The following GLYATL1B variants were observed in gnomAD, a reference collection of about 807,000 sequenced individuals.
GLYATL1B encodes glycine-N-acyltransferase like 1B, also known as putative glycine N-acyltransferase-like protein 1B.
Under a neutral mutation model 5.5 loss-of-function variants are expected in GLYATL1B, and 6 were observed. The ratio of observed to expected loss-of-function variants is 1.09; its 90% confidence interval spans 0.60 to 2.15. The LOEUF (loss-of-function observed/expected upper bound fraction) is 2.15, where lower values mean the gene tolerates loss of function less well. Ranked by LOEUF, GLYATL1B falls within the 30% of genes most tolerant of loss-of-function variation. The probability of loss-of-function intolerance (pLI) is 0.00; values close to 1 mark genes in which losing one functional copy is unlikely to be tolerated. For missense variants in GLYATL1B, 135 were observed against 94.1 expected (o/e 1.43, Z -1.80); for synonymous variants, 67 against 34.9 (o/e 1.92, Z -3.24).
At chr11:59,087,892 C>A (rs894137640) in intron 2 of GLYATL1B, among the ~76,000 whole-genome samples, 1 of 152,162 alleles carries the variant, frequency 6.6e-6, no homozygotes, top group Non-Finnish European at 1.5e-5. Context: ...AAGGGACACA[C>A]AATTACTTTG....
chr11:59,090,058 C>T (rs1859275820), intron 2 of GLYATL1B, among the ~76,000 whole-genome samples: 9 of 151,956 alleles, frequency 5.9e-5, no homozygotes, highest in Admixed American at 5.2e-4. Context: ...TGGCTAATTA[C>T]GTTAGTGCTA....
intron 1 of GLYATL1B, 53 bp from the exon 2 acceptor site, chr11:59,087,011 C>A (rs902347667): frequency 7.6e-5 from 43 of 562,628 alleles, no homozygotes; most frequent in Non-Finnish European, 1.0e-4. Context: ...CACATACAGA[C>A]CCCCATCTCT....
intron 2 of GLYATL1B, among the ~76,000 whole-genome samples, chr11:59,091,720 C>A (rs942069956): frequency 6.6e-6 from 1 of 152,032 alleles, no homozygotes; most frequent in Admixed American, 6.6e-5. Flanking sequence ...GGTAAATACC[C>A]AAAAGAAAAT....
chr11:59,088,356 G>T (rs1565174895), intron 2 of GLYATL1B, among the ~76,000 whole-genome samples: 1 of 152,056 alleles, frequency 6.6e-6, no homozygotes, highest in African/African-American at 2.4e-5. Flanking sequence ...TCCCCTTTTT[G>T]TGTCTGTTTC....
At chr11:59,087,252 C>T in intron 2 of GLYATL1B, 81 bp downstream of exon 2, 2 of 456,032 alleles carry the variant, frequency 4.4e-6, no homozygotes, top group Admixed American at 3.5e-5. Context: ...ACCATGGCTG[C>T]TTTTATAGGG....
chr11:59,090,815 AAAC>A (rs1334185379), intron 2 of GLYATL1B, among the ~76,000 whole-genome samples: 1 of 152,090 alleles, frequency 6.6e-6, no homozygotes, highest in African/African-American at 2.4e-5. Flanking sequence ...CAACCTAAGA[AAAC>A]AATACCAAGT....
intron 2 of GLYATL1B, among the ~76,000 whole-genome samples, chr11:59,091,201 T>A (rs1364517954): frequency 1.3e-5 from 2 of 152,138 alleles, no homozygotes; most frequent in Non-Finnish European, 2.9e-5. Flanking sequence ...TCAGTAACTC[T>A]CTTTTTGTTA....
intron 2 of GLYATL1B, among the ~76,000 whole-genome samples, chr11:59,091,707 C>T (rs1294922845): frequency 6.6e-6 from 1 of 152,178 alleles, no homozygotes; most frequent in East Asian, 1.9e-4. Flanking sequence ...AATGCCATTA[C>T]TAGGTAAATA....
chr11:59,094,381 C>G lies in GLYATL1B; in HGVS notation c.504C>G (p.Asn168Lys), dbSNP rs474850. The G allele has an allele frequency of 1.8e-6, 1 of 556,836 alleles. No individual in the cohort carries two copies. The highest frequency in any genetic ancestry group is 3.3e-6 in the Non-Finnish European group (1 of 307,342). The allele number at this position is 556,836 out of a possible 1,614,324, so 34.5% of individuals were successfully genotyped here. A position where few individuals can be genotyped will look rare whatever the true frequency, so the allele number is the denominator to read the frequency against. Residue 168 changes from asparagine (N) to lysine (K), a missense_variant, in exon 5 of 5, where the codon AAC (asparagine) becomes AAG (lysine). Transcript: ENST00000527482. ...PDDELESETP[N>K]FKYAQLNVSY... Reference sequence around the variant, plus strand: ...TTGTTTTCTACAGCGAGACTCCGAACTTTAAGTATGCCCAGCTGAATGTGT... The same window carrying G: ...TTGTTTTCTACAGCGAGACTCCGAAGTTTAAGTATGCCCAGCTGAATGTGT...
At chr11:59,086,785 C>G (rs1021174017) in intron 1 of GLYATL1B, among the ~76,000 whole-genome samples, 2 of 152,166 alleles carry the variant, frequency 1.3e-5, no homozygotes, top group Non-Finnish European at 2.9e-5. Context: ...GTTGTGGACA[C>G]TGAATGAATC....
chr11:59,087,279 T>C (rs2135381073), intron 2 of GLYATL1B, 108 bp downstream of exon 2: 1 of 440,020 alleles, frequency 2.3e-6, no homozygotes, highest in Non-Finnish European at 4.0e-6. Flanking sequence ...GAAATGTGAG[T>C]ATTTTAAAAC....
chr11:59,090,319 T>A (rs1441064804), intron 2 of GLYATL1B, among the ~76,000 whole-genome samples: 1 of 152,016 alleles, frequency 6.6e-6, no homozygotes, highest in Non-Finnish European at 1.5e-5. Context: ...TTTCCCCAAC[T>A]AAGTATTGCA....
Position 59,087,099 on chromosome 11 carries a change from C to T in GLYATL1B, c.114C>T (p.Asn38=), listed in dbSNP as rs1413786006. The T allele has an allele frequency of 1.0e-5, 7 of 685,514 alleles. No individual in the cohort carries two copies. The highest frequency in any genetic ancestry group is 1.7e-5 in the African/African-American group (1 of 57,210). The allele number at this position is 685,514 out of a possible 1,614,324, so 42.5% of individuals were successfully genotyped here. Residue 38 remains asparagine (N), a synonymous_variant, in exon 2 of 5, where the codon AAC becomes AAT. Transcript: ENST00000527482. Reference sequence around the variant, plus strand: ...CTCTGTTTCACATCAATCACGGGAACCCCTTCAACATGGAAGTGTTGGTGG... The same window carrying T: ...CTCTGTTTCACATCAATCACGGGAATCCCTTCAACATGGAAGTGTTGGTGG... ...YGSLFHINHG[N]PFNMEVLVDS...
chr11:59,090,473 G>C (rs968059775), intron 2 of GLYATL1B, among the ~76,000 whole-genome samples: 1 of 151,820 alleles, frequency 6.6e-6, no homozygotes, highest in African/African-American at 2.4e-5. Flanking sequence ...AAATATTAGT[G>C]TTTTCCTGAG....
At chr11:59,089,634 G>C (rs551525712) in intron 2 of GLYATL1B, among the ~76,000 whole-genome samples, 3 of 151,840 alleles carry the variant, frequency 2.0e-5, no homozygotes, top group African/African-American at 7.3e-5. Context: ...AGTCATTTTG[G>C]GTTTACTTCT....
At chr11:59,091,194 G>A (rs1289756304) in intron 2 of GLYATL1B, among the ~76,000 whole-genome samples, 1 of 152,076 alleles carries the variant, frequency 6.6e-6, no homozygotes, top group South Asian at 2.1e-4. Context: ...AATATGGTCA[G>A]TAACTCTCTT....
At chr11:59,088,094 T>C (rs1278004145) in intron 2 of GLYATL1B, among the ~76,000 whole-genome samples, 1 of 152,224 alleles carries the variant, frequency 6.6e-6, no homozygotes, top group Admixed American at 6.5e-5. Context: ...TCTGCCACTT[T>C]TACTAGCTAT....
At position 59,087,096 on chromosome 11, in the gene GLYATL1B, G is replaced by A. The variant is rs1334623627; in HGVS notation, c.111G>A (p.Gly37=). The change falls in exon 2 of 5, where the codon GGG becomes GGA. Residue 37 remains glycine, a synonymous_variant. Coordinates refer to ENST00000527482, the MANE Select transcript of GLYATL1B (RefSeq NM_001355566.1). ...GCTCTCTGTTTCACATCAATCACGG[G>A]AACCCCTTCAACATGGAAGTGTTGG... ...VYGSLFHINH[G]NPFNMEVLVD... 3 of 683,450 alleles carry A rather than the reference G, an allele frequency of 4.4e-6. No homozygotes were observed. The highest frequency in any genetic ancestry group is 8.1e-6 in the Non-Finnish European group (3 of 372,216). The allele number at this position is 683,450 out of a possible 1,614,324, so 42.3% of individuals were successfully genotyped here. A position where few individuals can be genotyped will look rare whatever the true frequency, so the allele number is the denominator to read the frequency against.
At chr11:59,086,480 G>A in intron 1 of GLYATL1B, 96 bp downstream of exon 1, 1 of 395,658 alleles carries the variant, frequency 2.5e-6, no homozygotes, top group East Asian at 3.6e-5. Context: ...ACTTTGTGCA[G>A]AGGGTTGGAG....
Sources: allele counts gnomAD v4.1 joint callset (sites outside exome capture counted in the v4.1 genomes callset), GRCh38; gene constraint gnomAD v4.1.1; transcripts MANE v1.5; gene names NCBI Gene and HGNC (gene_info 2026-07-23, HGNC 2026-07-21).